Variants in CACUL1 observed in about 807,000 individuals in gnomAD.
CACUL1 encodes the protein CDK2-associated and cullin domain-containing protein 1.
A neutral mutation model predicts 45.2 loss-of-function variants in CACUL1; 13 were observed. The ratio of observed to expected loss-of-function variants is 0.29; its 90% CI spans 0.19 to 0.46. The LOEUF (loss-of-function observed/expected upper bound fraction) is 0.46, where lower values mean the gene tolerates loss of function less well. CACUL1 is among the 20% of genes least tolerant of loss of function. CACUL1 has a pLI of 1.00. For missense variants in CACUL1, 421 were observed against 471.4 expected, an observed-to-expected ratio of 0.89 and a Z score of 0.99; for synonymous variants, 197 against 174.2, an observed-to-expected ratio of 1.13 and a Z score of -1.03.
At chr10:118,745,112 A>G (rs1301134583) in intron 1 of CACUL1, among the ~76,000 whole-genome samples, 2 of 152,244 alleles carry the variant, frequency 1.3e-5, no homozygotes, top group African/African-American at 4.8e-5. Flanking sequence ...TTTTTACATT[A>G]TAAGTAAAGT....
chr10:118,697,784 T>C (rs1845336990), intron 5 of CACUL1, among the ~76,000 whole-genome samples: 1 of 150,466 alleles, frequency 6.6e-6, no homozygotes, highest in African/African-American at 2.5e-5. Flanking sequence ...CAACACACTA[T>C]ATTTTCCCAG....
At chr10:118,686,575 T>C in intron 8 of CACUL1, 23 bp downstream of exon 8, 7 of 1,586,964 alleles carry the variant, frequency 4.4e-6, no homozygotes, top group Middle Eastern at 1.7e-4. Flanking sequence ...ACCATCAAGA[T>C]GGGAAGGAAC....
intron 3 of CACUL1, among the ~76,000 whole-genome samples, chr10:118,713,627 CA>C (rs1485134612): frequency 6.6e-6 from 1 of 152,214 alleles, no homozygotes; most frequent in African/African-American, 2.4e-5. Context: ...GTTTAAAATT[CA>C]AATGAGTTCA....
intron 1 of CACUL1, among the ~76,000 whole-genome samples, chr10:118,753,518 C>T (rs1475055468): frequency 6.6e-6 from 1 of 152,222 alleles, no homozygotes; most frequent in Non-Finnish European, 1.5e-5. Context: ...ATCACCACCA[C>T]CACCGCCACG....
At chr10:118,731,308 T>A (rs1344084519) in intron 1 of CACUL1, among the ~76,000 whole-genome samples, 1 of 152,194 alleles carries the variant, frequency 6.6e-6, no homozygotes, top group East Asian at 1.9e-4. Context: ...TTAAGTGACT[T>A]CCTCAAGAAC....
intron 2 of CACUL1, among the ~76,000 whole-genome samples, chr10:118,729,920 C>A (rs537924161): frequency 2.3e-4 from 35 of 152,284 alleles, no homozygotes. Context: ...AGCTGAGAAA[C>A]AAAATAACCA....
At chr10:118,708,948 C>G (rs189270464) in intron 3 of CACUL1, among the ~76,000 whole-genome samples, 124 of 152,228 alleles carry the variant, frequency 8.1e-4, no homozygotes, top group African/African-American at 2.8e-3. Context: ...GTTAGGGGAG[C>G]CAACACCCAA....
chr10:118,687,155 T>C lies in CACUL1; in HGVS notation c.1026-514A>G, dbSNP rs903578039. On this transcript the variant is annotated intron_variant, in intron 7 of 8. Transcript: ENST00000369151. ...GCCATCCTTTTGAGGTCTCCTTTGC[T>C]GGCTCTACCCAGCCCTCTGTCGCTG... Among the ~76,000 whole-genome samples the C allele has an allele frequency of 2.6e-5, 4 of 152,324 alleles. No homozygotes were observed. The East Asian group carries it at 7.7e-4, about 29-fold the overall frequency.
intron 7 of CACUL1, among the ~76,000 whole-genome samples, chr10:118,689,597 C>T (rs142850814): frequency 6.6e-6 from 1 of 152,116 alleles, no homozygotes; most frequent in Non-Finnish European, 1.5e-5. Context: ...CTGAATAGTG[C>T]CATGTTTGTC....
At position 118,684,985 on chromosome 10, in the gene CACUL1, G is replaced by GAAAT. The variant is rs542302841; in HGVS notation, c.*1139_*1142dup. 9 of 152,220 alleles carry GAAAT rather than the reference G, an allele frequency of 5.9e-5. No homozygotes were observed. Among genetic ancestry groups the GAAAT allele is most frequent in the Non-Finnish European group, 1.3e-4 (9 of 68,040 alleles). The allele number at this position is 152,220 out of a possible 1,614,324, so 9.4% of individuals were successfully genotyped here. ...AAAGCACTGTGGATGTGGAGAAACAGAAATATAGCTTTGCCACAGCTGGAA... is the reference window on the plus strand; with the variant it reads ...AAAGCACTGTGGATGTGGAGAAACAGAAATAAATATAGCTTTGCCACAGCTGGAA... On this transcript the variant is annotated 3_prime_UTR_variant, in exon 9 of 9. Transcript: ENST00000369151.
At chr10:118,725,738 A>G (rs1370586527) in intron 3 of CACUL1, among the ~76,000 whole-genome samples, 1 of 152,244 alleles carries the variant, frequency 6.6e-6, no homozygotes, top group East Asian at 1.9e-4. Context: ...AAAAACAAAA[A>G]AGAGGCAGCA....
At chr10:118,753,373 G>T (rs886296673) in intron 1 of CACUL1, among the ~76,000 whole-genome samples, 3 of 152,186 alleles carry the variant, frequency 2.0e-5, no homozygotes, top group Non-Finnish European at 4.4e-5. Context: ...CAGCTAACTG[G>T]ACAAGTACAG....
At chr10:118,754,365 A>C (rs1323492207) in intron 1 of CACUL1, 31 bp downstream of exon 1, 1 of 1,482,010 alleles carries the variant, frequency 6.7e-7, no homozygotes, top group East Asian at 2.6e-5. Flanking sequence ...GGTGGAGAAA[A>C]GCCAAGGCTG....
chr10:118,754,165 T>G (rs1488287979), intron 1 of CACUL1, among the ~76,000 whole-genome samples: 1 of 151,952 alleles, frequency 6.6e-6, no homozygotes, highest in Non-Finnish European at 1.5e-5. Context: ...AGGCTGCCTC[T>G]CTAGGCCAGG....
intron 1 of CACUL1, among the ~76,000 whole-genome samples, chr10:118,746,733 A>C (rs1845846650): frequency 6.6e-6 from 1 of 152,244 alleles, no homozygotes; most frequent in African/African-American, 2.4e-5. Flanking sequence ...CGAATTCTTT[A>C]AACACATTAA....
At chr10:118,747,055 A>G (rs1370298345) in intron 1 of CACUL1, among the ~76,000 whole-genome samples, 3 of 152,126 alleles carry the variant, frequency 2.0e-5, no homozygotes, top group Non-Finnish European at 2.9e-5. Context: ...CGCCAACCCT[A>G]TAACGCAAGG....
chr10:118,697,010 C>T (rs1377261985), intron 5 of CACUL1, among the ~76,000 whole-genome samples: 1 of 151,892 alleles, frequency 6.6e-6, no homozygotes, highest in Non-Finnish European at 1.5e-5. Flanking sequence ...AAATATAATA[C>T]AAAGATATAT....
intron 3 of CACUL1, among the ~76,000 whole-genome samples, chr10:118,713,936 G>C (rs569023071): frequency 5.4e-4 from 82 of 152,224 alleles, no homozygotes; most frequent in African/African-American, 2.0e-3. Context: ...GGTTGTATCT[G>C]TAAGTATTTA....
At chr10:118,724,527 TTTTTTTACACGGACCAAAAAATCA>T (rs1845634186) in intron 3 of CACUL1, among the ~76,000 whole-genome samples, 1 of 152,182 alleles carries the variant, frequency 6.6e-6, no homozygotes, top group African/African-American at 2.4e-5. Flanking sequence ...CCACTCAAGT[TTTTTTTACACGGACCAAAAAATCA>T]GCTGTGATTA....
Sources: allele counts gnomAD v4.1 joint callset (sites outside exome capture counted in the v4.1 genomes callset), GRCh38; gene constraint gnomAD v4.1.1; transcripts MANE v1.5; gene names NCBI Gene and HGNC (gene_info 2026-07-23, HGNC 2026-07-21).